RNASEL: variants seen among roughly 807,000 people sequenced by gnomAD.
The protein encoded by RNASEL is ribonuclease L.
Under a neutral mutation model 50.9 loss-of-function variants are expected in RNASEL, and 36 were observed. That is an observed-to-expected ratio of 0.71 (90% CI 0.54 to 0.93). The LOEUF (loss-of-function observed/expected upper bound fraction) is 0.93. RNASEL is among the 40% of genes least tolerant of loss of function. The pLI is 0.00. For synonymous variants in RNASEL, 335 were observed against 335.6 expected (o/e 1.00, Z 0.02); for missense variants, 860 against 894.5 (o/e 0.96, Z 0.49).
Position 182,586,065 on chromosome 1 carries a change from C to G in RNASEL, c.742G>C (p.Glu248Gln). 6.2e-7 allele frequency: 1 copy of G among 1,614,110 alleles called. No homozygotes were observed. The highest frequency in any genetic ancestry group is 8.5e-7 in the Non-Finnish European group (1 of 1,180,032). Reference sequence around the variant, plus strand: ...TGCACCAAACCCAAGTGCTTCTTCTCCACTGCCAGGATCAGGGGAGTCTTC... The same window carrying G: ...TGCACCAAACCCAAGTGCTTCTTCTGCACTGCCAGGATCAGGGGAGTCTTC... ...RGKTPLILAV[E>Q]KKHLGLVQRL... The change falls in exon 2 of 7, where the codon GAG becomes CAG. Residue 248 changes from glutamate to glutamine, a missense_variant. Coordinates refer to ENST00000367559, the MANE Select transcript of RNASEL (RefSeq NM_021133.4).
Position 182,573,829 on chromosome 1 carries a change from C to T in RNASEL, c.*1563G>A, listed in dbSNP as rs1661335685. 5.3e-6 allele frequency: 1 copy of T among 189,050 alleles called. No individual in the cohort carries two copies. The highest frequency in any genetic ancestry group is 8.5e-5 in the East Asian group (1 of 11,782). 11.7% of individuals were successfully genotyped at this position (189,050 alleles called of 1,614,324 possible). ...ATTTCATTCAGTGGTATCTATTTAT[C>T]CATTGCTAGATACCTCCTTTTCAGA... On this transcript the variant is annotated 3_prime_UTR_variant, in exon 7 of 7. Coordinates refer to ENST00000367559, the MANE Select transcript of RNASEL (RefSeq NM_021133.4).
At chr1:182,575,796 A>G (rs938077162) in intron 6 of RNASEL, among the ~76,000 whole-genome samples, 7 of 152,206 alleles carry the variant, frequency 4.6e-5, no homozygotes, top group Admixed American at 3.9e-4. Context: ...TCTTTCATAA[A>G]ATGGAAATAG....
chr1:182,579,959 G>T, intron 5 of RNASEL: 1 of 457,312 alleles, frequency 2.2e-6, no homozygotes, highest in South Asian at 1.5e-5. Context: ...ACCCCTTACT[G>T]GTTCTGTGTA....
intron 5 of RNASEL, chr1:182,579,784 A>C (rs1293499744): frequency 9.1e-7 from 1 of 1,102,900 alleles, no homozygotes; most frequent in Non-Finnish European, 1.2e-6. Context: ...CAGGTCTGCC[A>C]ATCTCTGACT....
At chr1:182,577,073 C>G (rs1238610392) in intron 5 of RNASEL, 2 of 149,164 alleles carry the variant, frequency 1.3e-5, no homozygotes, top group Non-Finnish European at 3.0e-5. Context: ...TTAGTAGAGA[C>G]AGGGTTTCAC....
chr1:182,585,834 C>T lies in RNASEL; in HGVS notation c.973G>A (p.Ala325Thr), dbSNP rs1661583435. 1 of 1,613,746 alleles carries T rather than the reference C, an allele frequency of 6.2e-7. No homozygotes were observed. Among genetic ancestry groups the T allele is most frequent in the Non-Finnish European group, 8.5e-7 (1 of 1,179,830 alleles). Residue 325 changes from alanine (A) to threonine (T), a missense_variant, in exon 2 of 7, where the codon GCC becomes ACC. Transcript: ENST00000367559. ...SLVKVLLSHG[A>T]KEDFHPPAED... ...GCAGGAGGGTGAAAATCTTCTTTGGCTCCATGAGAGAGAAGAACCTTCACA... is the reference window on the plus strand; with the variant it reads ...GCAGGAGGGTGAAAATCTTCTTTGGTTCCATGAGAGAGAAGAACCTTCACA...
rs1470511192 is a variant in RNASEL at position 182,576,251 on chromosome 1, C to T, written c.2039+5G>A. 5 of 1,609,620 alleles carry T rather than the reference C, an allele frequency of 3.1e-6. No individual in the cohort carries two copies. The highest frequency in any genetic ancestry group is 2.2e-5 in the East Asian group (1 of 44,710). On this transcript the variant is annotated splice_donor_5th_base_variant and intron_variant, in intron 6 of 6. Coordinates refer to ENST00000367559, the MANE Select transcript of RNASEL (RefSeq NM_021133.4). ...ATAATTTGTAGGAATGAAAACAATACTTACTTTTTATGCTTTTCTTCATCA... is the reference window on the plus strand; with the variant it reads ...ATAATTTGTAGGAATGAAAACAATATTTACTTTTTATGCTTTTCTTCATCA...
At position 182,586,925 on chromosome 1, in the gene RNASEL, A is replaced by T; in HGVS notation, c.-119T>A. ...AATTGGGATTCTCTGGCAACAGAGC[A>T]GCAGTATGAAGAAGGAACAATGTTC... is the stretch of plus-strand genomic sequence containing the variant. On this transcript the variant is annotated 5_prime_UTR_variant, in exon 2 of 7. Transcript: ENST00000367559. 7.7e-7 allele frequency: 1 copy of T among 1,305,820 alleles called. No homozygotes were observed. 80.9% of individuals were successfully genotyped at this position (1,305,820 alleles called of 1,614,324 possible).
chr1:182,580,158 G>C (rs1661464933), intron 5 of RNASEL, among the ~76,000 whole-genome samples: 1 of 152,080 alleles, frequency 6.6e-6, no homozygotes, highest in South Asian at 2.1e-4. Flanking sequence ...AAATTTCTTT[G>C]TTTCTACAAG....
At chr1:182,576,055 A>G (rs1160869001) in intron 6 of RNASEL, among the ~76,000 whole-genome samples, 2 of 152,264 alleles carry the variant, frequency 1.3e-5, no homozygotes, top group Non-Finnish European at 2.9e-5. Context: ...AAAAATGACA[A>G]GGAAGATGAA....
In RNASEL at chr1:182,581,222, T is replaced by C; in HGVS notation, c.1905+3A>G. ...ACCCCTGCACTATAGGAATTGTTCATACCTTAGTCGTCCACTTGTCAAAAC... is the reference window on the plus strand; with the variant it reads ...ACCCCTGCACTATAGGAATTGTTCACACCTTAGTCGTCCACTTGTCAAAAC... On this transcript the variant is annotated splice_donor_region_variant and intron_variant, in intron 5 of 6. Transcript: ENST00000367559. 1.1e-5 allele frequency: 17 copies of C among 1,614,146 alleles called. No individual in the cohort carries two copies. Among genetic ancestry groups the C allele is most frequent in the Non-Finnish European group, 1.4e-5 (17 of 1,180,004 alleles).
chr1:182,585,934 C>T lies in RNASEL; in HGVS notation c.873G>A (p.Leu291=), dbSNP rs2102370966. 6.2e-7 allele frequency: 1 copy of T among 1,614,168 alleles called. No homozygotes were observed. Among genetic ancestry groups the T allele is most frequent in the Non-Finnish European group, 8.5e-7 (1 of 1,180,020 alleles). The change falls in exon 2 of 7, where the codon TTG becomes TTA. Residue 291 remains leucine, a synonymous_variant. Coordinates refer to ENST00000367559, the MANE Select transcript of RNASEL (RefSeq NM_021133.4). The stretch of plus-strand genomic sequence containing the variant: ...CTGTACTGGCTCCACGTTTGCACAG[C>T]AACTCGGCGATTTTCTTCAGTTTGA... ...VELKLKKIAE[L]LCKRGASTDC...
chr1:182,582,301 A>G, intron 3 of RNASEL, 43 bp from the exon 4 acceptor site: 1 of 1,607,692 alleles, frequency 6.2e-7, no homozygotes, highest in Non-Finnish European at 8.5e-7. Context: ...CTTACTAATT[A>G]TTTGGGTAAC....
chr1:182,585,569 T>C lies in RNASEL; in HGVS notation c.1238A>G (p.Glu413Gly). ...ATAGAATGTCACCAAGTGACTGTTC[T>C]CTCGGCTGCTTTGCAGACAAGAGAC... ...REVSCLQSSR[E>G]NSHLVTFYGS... The change falls in exon 2 of 7, where the codon GAG (glutamate) becomes GGG (glycine). Residue 413 changes from glutamate (E) to glycine (G), a missense_variant. Glu to Gly is a moderately conservative substitution (Grantham distance 98, BLOSUM62 -2). Coordinates refer to ENST00000367559, the MANE Select transcript of RNASEL (RefSeq NM_021133.4). 6.2e-7 allele frequency: 1 copy of C among 1,614,190 alleles called. No homozygotes were observed. Among genetic ancestry groups the C allele is most frequent in the Non-Finnish European group, 8.5e-7 (1 of 1,180,036 alleles).
In RNASEL at chr1:182,583,939, C is replaced by A. The variant is rs756984585; in HGVS notation, c.1566+142G>T. ...TTATTATGGGACTTTATGTTGTGAC[C>A]GTGTGAGTCAATTCTCCTTAATAAA... On this transcript the variant is annotated intron_variant, in intron 3 of 6. Transcript: ENST00000367559. The A allele has an allele frequency of 9.8e-5, 69 of 703,194 alleles. No individual in the cohort carries two copies. The Admixed American group carries it at 1.1e-3, about 11-fold the overall frequency. 43.6% of individuals were successfully genotyped at this position (703,194 alleles called of 1,614,324 possible). A position where few individuals can be genotyped will look rare whatever the true frequency, so the allele number is the denominator to read the frequency against.
intron 5 of RNASEL, chr1:182,579,952 C>T (rs960698940): frequency 2.2e-6 from 1 of 457,980 alleles, no homozygotes; most frequent in Non-Finnish European, 4.4e-6. Context: ...CTGGTGCACC[C>T]CTTACTGGTT....
In RNASEL at chr1:182,581,266, GC is replaced by G; in HGVS notation, c.1863del (p.Pro622LeufsTer20). 1 of 1,613,998 alleles carries G rather than the reference GC, an allele frequency of 6.2e-7. No individual in the cohort carries two copies. On this transcript the variant is annotated frameshift_variant, in exon 5 of 7. Transcript: ENST00000367559. LOFTEE classifies it high-confidence loss of function. ...ESEILRLLQP[G>X]PSEHSKSFDK... ...TCAAAACTTTTGGAATGTTCAGAAG[GC>G]CCAGGTTGCAGTAGTCTGAGGATCT...
intron 2 of RNASEL, 67 bp downstream of exon 2, chr1:182,585,260 A>C: frequency 6.5e-7 from 1 of 1,529,304 alleles, no homozygotes; most frequent in Admixed American, 1.8e-5. Context: ...TCTGCAATGA[A>C]AAACTTTTCC....
At chr1:182,581,118 A>T in intron 5 of RNASEL, 107 bp downstream of exon 5, 1 of 1,547,732 alleles carries the variant, frequency 6.5e-7, no homozygotes, top group Non-Finnish European at 8.9e-7. Flanking sequence ...CACCTCTTTG[A>T]GCCTCTGGTT....
Sources: gnomAD v4.1 joint callset for allele counts (sites outside exome capture counted in the v4.1 genomes callset) on GRCh38, gnomAD v4.1.1 for gene constraint, MANE v1.5 for transcripts, NCBI Gene and HGNC (gene_info 2026-07-23, HGNC 2026-07-21) for gene names.